Variants in OTUD7A observed in about 807,000 individuals in gnomAD.
The protein encoded by OTUD7A is OTU domain-containing protein 7A.
In OTUD7A, 12 loss-of-function variants were observed where a neutral mutation model predicts 65.7. The ratio of observed to expected loss-of-function variants is 0.18; its 90% CI spans 0.12 to 0.30. The LOEUF is 0.30. Ranked by LOEUF, OTUD7A falls within the 10% of genes least tolerant of loss-of-function variation. The pLI is 1.00. For synonymous variants in OTUD7A, 641 were observed against 586.3 expected, an observed-to-expected ratio of 1.09 and a Z score of -1.35; for missense variants, 1,148 against 1,304.8, an observed-to-expected ratio of 0.88 and a Z score of 1.85.
At chr15:31,567,701 T>G (rs1220944573) in intron 4 of OTUD7A, among the ~76,000 whole-genome samples, 1 of 152,204 alleles carries the variant, frequency 6.6e-6, no homozygotes, top group Admixed American at 6.5e-5. Flanking sequence ...CCTACAGGCC[T>G]AGTTGGAAAG....
At chr15:31,766,298 A>C (rs1895092646) in intron 1 of OTUD7A, 1 of 1,605,034 alleles carries the variant, frequency 6.2e-7, no homozygotes, top group Non-Finnish European at 8.5e-7. Flanking sequence ...CAACATTTTG[A>C]CTCATTCGGG....
Position 31,619,086 on chromosome 15 carries a change from G to T in OTUD7A, c.151+36010C>A, listed in dbSNP as rs984342915. Among the ~76,000 whole-genome samples, 8 of 152,294 alleles carry T rather than the reference G, an allele frequency of 5.3e-5. No homozygotes were observed. In the East Asian group the frequency reaches 1.5e-3, roughly 29 times the overall value. On this transcript the variant is annotated intron_variant, in intron 3 of 12. Coordinates refer to ENST00000307050, the MANE Select transcript of OTUD7A (RefSeq NM_001382637.1). ...GCTTGTCAAAGATCAGATGGTTGTA[G>T]ATGTGTGGTATTATTTCTGAGGGCT...
chr15:31,672,333 T>C (rs1010486350), intron 1 of OTUD7A, among the ~76,000 whole-genome samples: 3 of 152,204 alleles, frequency 2.0e-5, no homozygotes, highest in African/African-American at 7.2e-5. Context: ...CTATATGGTT[T>C]AATTTTGTTA....
intron 10 of OTUD7A, among the ~76,000 whole-genome samples, chr15:31,491,436 A>G (rs116711243): frequency 2.6e-4 from 39 of 152,330 alleles, no homozygotes; most frequent in Middle Eastern, 3.4e-3. Flanking sequence ...GTAAACCTCA[A>G]GATAGGTTAC....
chr15:31,700,063 C>T (rs1041336739), intron 1 of OTUD7A, among the ~76,000 whole-genome samples: 1 of 151,612 alleles, frequency 6.6e-6, no homozygotes. Flanking sequence ...AAGTCACCCC[C>T]TGCTAATGAC....
At chr15:31,789,068 A>C (rs1895747319) in intron 1 of OTUD7A, among the ~76,000 whole-genome samples, 1 of 152,178 alleles carries the variant, frequency 6.6e-6, no homozygotes, top group Non-Finnish European at 1.5e-5. Flanking sequence ...GCATCACTAA[A>C]GTCTTGAAGA....
At chr15:31,805,724 G>A (rs922250279) in intron 1 of OTUD7A, among the ~76,000 whole-genome samples, 5 of 152,274 alleles carry the variant, frequency 3.3e-5, no homozygotes, top group Admixed American at 6.5e-5. Context: ...ACAGGGAGCT[G>A]CCTGAGGTCC....
intron 10 of OTUD7A, among the ~76,000 whole-genome samples, chr15:31,491,660 A>G (rs1389091116): frequency 6.6e-6 from 1 of 152,194 alleles, no homozygotes; most frequent in Non-Finnish European, 1.5e-5. Context: ...AACTAAGAGA[A>G]CATCAAGAAG....
At chr15:31,493,700 G>A (rs1013813985) in intron 10 of OTUD7A, among the ~76,000 whole-genome samples, 20 of 152,136 alleles carry the variant, frequency 1.3e-4, no homozygotes, top group African/African-American at 2.9e-4. Flanking sequence ...AACCAGTAAC[G>A]AATATTTGAA....
At position 31,852,856 on chromosome 15, in the gene OTUD7A, T is replaced by G. The variant is rs775518707; in HGVS notation, c.-100+17651A>C. On this transcript the variant is annotated intron_variant, in intron 1 of 12. Coordinates refer to ENST00000307050, the MANE Select transcript of OTUD7A (RefSeq NM_001382637.1). ...TGATTTAATTAAATTACTAAAGCAG[T>G]AAGAATTCATTCAAGGTTATACTGA... 6.6e-5 allele frequency among the ~76,000 whole-genome samples: 10 copies of G among 152,246 alleles called. 1 individual carries two copies. The highest frequency in any genetic ancestry group is 1.3e-4 in the Non-Finnish European group (9 of 68,038).
At chr15:31,821,504 T>C (rs1896683038) in intron 1 of OTUD7A, among the ~76,000 whole-genome samples, 2 of 152,068 alleles carry the variant, frequency 1.3e-5, no homozygotes, top group African/African-American at 4.8e-5. Flanking sequence ...CCATTGTATA[T>C]TACATTTTAT....
chr15:31,864,744 C>T (rs1410269844), intron 1 of OTUD7A, among the ~76,000 whole-genome samples: 1 of 137,638 alleles, frequency 7.3e-6, no homozygotes, highest in Non-Finnish European at 1.5e-5. Context: ...TTCTTTTTAC[C>T]CACACCTCCT....
In OTUD7A at chr15:31,753,687, A is replaced by ATATATATATATATAT. The variant is rs1461407901; in HGVS notation, c.-99-96625_-99-96611dup. ...CATATATATATATATAACCTGTGAGATATATATATATATATTATATATATA... is the reference window on the plus strand; with the variant it reads ...CATATATATATATATAACCTGTGAGATATATATATATATATTATATATATATATATTATATATATA... On this transcript the variant is annotated intron_variant, in intron 1 of 12. Transcript: ENST00000307050. Among the ~76,000 whole-genome samples the ATATATATATATATAT allele has an allele frequency of 2.7e-3, 37 of 13,534 alleles. 5 individuals carry two copies. The highest frequency in any genetic ancestry group is 6.6e-3 in the African/African-American group (26 of 3,964). 8.9% of individuals were successfully genotyped at this position (13,534 alleles called of 152,430 possible).
chr15:31,483,721 G>A lies in OTUD7A; in HGVS notation c.2375C>T (p.Ala792Val). The A allele has an allele frequency of 1.8e-6, 2 of 1,134,032 alleles. No homozygotes were observed. The highest frequency in any genetic ancestry group is 2.2e-6 in the Non-Finnish European group (2 of 927,532). The allele number at this position is 1,134,032 out of a possible 1,614,324, so 70.2% of individuals were successfully genotyped here. ...CGGCCGCAGCGCCCCCACGGCCGGC[G>A]CGCACGCCTCGTCCCGCGCGCCCGA... ...QASGARDEAC[A>V]PAVGALRPCA... Residue 792 changes from alanine (A) to valine (V), a missense_variant, in exon 13 of 13, where the codon GCG (alanine) becomes GTG (valine). Ala to Val is a moderately conservative substitution (Grantham distance 64). Coordinates refer to ENST00000307050, the MANE Select transcript of OTUD7A (RefSeq NM_001382637.1).
chr15:31,505,774 G>C (rs2041552459), intron 8 of OTUD7A, among the ~76,000 whole-genome samples: 1 of 149,540 alleles, frequency 6.7e-6, no homozygotes, highest in Non-Finnish European at 1.5e-5. Context: ...TTTTGAGGTG[G>C]AGTCTCACTC....
intron 1 of OTUD7A, among the ~76,000 whole-genome samples, chr15:31,774,764 T>G (rs569531898): frequency 7.0e-4 from 107 of 152,170 alleles, no homozygotes; most frequent in Non-Finnish European, 1.3e-3. Flanking sequence ...AAGTTTCCCC[T>G]TAATTTAGGA....
chr15:31,616,239 G>A (rs1890581480), intron 3 of OTUD7A, among the ~76,000 whole-genome samples: 1 of 152,160 alleles, frequency 6.6e-6, no homozygotes, highest in African/African-American at 2.4e-5. Flanking sequence ...TGCTGTCTAT[G>A]TAAGTAATAA....
intron 9 of OTUD7A, 142 bp downstream of exon 9, chr15:31,503,549 A>G (rs2041507169): frequency 1.7e-6 from 2 of 1,169,574 alleles, no homozygotes. Flanking sequence ...GGGAGGAGAA[A>G]GAAACACGTC....
intron 1 of OTUD7A, among the ~76,000 whole-genome samples, chr15:31,854,092 A>C (rs1202600227): frequency 2.0e-5 from 3 of 152,190 alleles, no homozygotes; most frequent in African/African-American, 7.2e-5. Flanking sequence ...GAAAGTCGGA[A>C]ATCTAAAATC....
Sources: allele counts gnomAD v4.1 joint callset (sites outside exome capture counted in the v4.1 genomes callset), GRCh38; gene constraint gnomAD v4.1.1; transcripts MANE v1.5; gene names NCBI Gene and HGNC (gene_info 2026-07-23, HGNC 2026-07-21).